The following RIPOR2 variants were observed in gnomAD, a reference collection of about 807,000 sequenced individuals.
RIPOR2 encodes the protein rho family-interacting cell polarization regulator 2.
A neutral mutation model predicts 114.5 loss-of-function variants in RIPOR2; 39 were observed. That is an observed-to-expected ratio of 0.34 (90% confidence interval 0.26 to 0.44). The LOEUF is 0.44. Among genes scored for constraint, RIPOR2 ranks in the 20% least tolerant of loss-of-function variants. The pLI, the probability that RIPOR2 is intolerant of heterozygous loss-of-function variation, is 1.00. For missense variants in RIPOR2, 1,007 were observed against 1,255.1 expected (o/e 0.80, Z 2.99); for synonymous variants, 445 against 484.4 (o/e 0.92, Z 1.07).
At chr6:24,952,274 GCTCT>G (rs757909469) in intron 1 of RIPOR2, among the ~76,000 whole-genome samples, 1 of 152,066 alleles carries the variant, frequency 6.6e-6, no homozygotes, top group African/African-American at 2.4e-5. Context: ...AATCTCTACT[GCTCT>G]CTCTCTATTA....
At chr6:25,023,200 G>GC (rs1491384783) in intron 1 of RIPOR2, 2 of 632,166 alleles carry the variant, frequency 3.2e-6, no homozygotes, top group Non-Finnish European at 6.0e-6. Context: ...GCCTGTACTT[G>GC]GGGGATCTGC....
intron 1 of RIPOR2, among the ~76,000 whole-genome samples, chr6:24,983,492 T>C (rs147053257): frequency 0.01 from 1,551 of 152,090 alleles, 21 homozygotes; most frequent in African/African-American, 0.026. Context: ...CGCGGTGGCT[T>C]ACGCCTGTAA....
intron 1 of RIPOR2, among the ~76,000 whole-genome samples, chr6:24,931,529 C>T (rs1302820019): frequency 6.6e-6 from 1 of 152,200 alleles, no homozygotes; most frequent in Non-Finnish European, 1.5e-5. Flanking sequence ...AGTTCCCCTC[C>T]TTTGTGGAGG....
At chr6:25,004,183 T>C (rs773036421) in intron 1 of RIPOR2, among the ~76,000 whole-genome samples, 7 of 152,156 alleles carry the variant, frequency 4.6e-5, no homozygotes, top group Non-Finnish European at 1.0e-4. Flanking sequence ...CTAAAATACC[T>C]AACAACCACA....
chr6:24,935,913 G>T lies in RIPOR2; in HGVS notation c.-15C>A. On this transcript the variant is annotated 5_prime_UTR_variant, in exon 1 of 22. Transcript: ENST00000643898. The stretch of plus-strand genomic sequence containing the variant: ...AAAAACTGCATCTTGGAGAGGACAG[G>T]CGCGAGAAGCAGCAGGCAGCAGCCC... The T allele has an allele frequency of 1.3e-6, 2 of 1,531,748 alleles. No homozygotes were observed. Among genetic ancestry groups the T allele is most frequent in the Non-Finnish European group, 1.7e-6 (2 of 1,143,442 alleles). The allele number at this position is 1,531,748 out of a possible 1,614,324, so 94.9% of individuals were successfully genotyped here. A position where few individuals can be genotyped will look rare whatever the true frequency, so the allele number is the denominator to read the frequency against.
intron 20 of RIPOR2, among the ~76,000 whole-genome samples, chr6:24,810,596 C>T (rs1279992123): frequency 6.6e-6 from 1 of 152,168 alleles, no homozygotes; most frequent in Non-Finnish European, 1.5e-5. Flanking sequence ...CAAGAATTTA[C>T]AGTCTAGTGG....
intron 1 of RIPOR2, chr6:24,877,182 T>C: frequency 4.1e-6 from 4 of 985,460 alleles, no homozygotes; most frequent in African/African-American, 1.7e-5. Flanking sequence ...CCAATTTCAC[T>C]AGACCTTCCT....
chr6:24,821,016 G>A (rs530451287), intron 19 of RIPOR2, among the ~76,000 whole-genome samples: 2 of 151,506 alleles, frequency 1.3e-5, no homozygotes, highest in South Asian at 2.1e-4. Context: ...GGGATTATAG[G>A]TGCCTGCCAC....
At chr6:25,005,739 A>ATATATG (rs869093518) in intron 1 of RIPOR2, among the ~76,000 whole-genome samples, 4 of 79,674 alleles carry the variant, frequency 5.0e-5, no homozygotes, top group Admixed American at 4.1e-4. Context: ...ATATATATAT[A>ATATATG]TACATTTACC....
chr6:25,009,274 C>T (rs1302065186), intron 1 of RIPOR2, among the ~76,000 whole-genome samples: 1 of 152,230 alleles, frequency 6.6e-6, no homozygotes, highest in Non-Finnish European at 1.5e-5. Flanking sequence ...TTCTTTATCC[C>T]TTGCTTCTCT....
At chr6:24,875,559 T>C (rs1371760942) in intron 2 of RIPOR2, 132 bp downstream of exon 2, 3 of 779,820 alleles carry the variant, frequency 3.8e-6, no homozygotes, top group East Asian at 5.4e-5. Context: ...ATCCTTTCCA[T>C]GAAAAAGATT....
intron 8 of RIPOR2, among the ~76,000 whole-genome samples, chr6:24,855,878 T>C (rs575193701): frequency 1.3e-5 from 2 of 152,024 alleles, no homozygotes; most frequent in South Asian, 4.2e-4. Context: ...TACGAAAAAT[T>C]TAAAAATTAG....
At chr6:24,974,961 G>A (rs987785937) in intron 1 of RIPOR2, among the ~76,000 whole-genome samples, 22 of 152,238 alleles carry the variant, frequency 1.4e-4, no homozygotes, top group African/African-American at 5.3e-4. Context: ...GAGACAGAAA[G>A]TAGACTGGTG....
intron 1 of RIPOR2, chr6:24,947,872 C>T (rs575501768): frequency 3.9e-4 from 60 of 152,242 alleles, no homozygotes; most frequent in Admixed American, 1.4e-3. Context: ...TTTAATAGCT[C>T]GTCTAGTTCA....
intron 1 of RIPOR2, among the ~76,000 whole-genome samples, chr6:24,919,751 T>C (rs1770336902): frequency 6.6e-6 from 1 of 152,206 alleles, no homozygotes; most frequent in Non-Finnish European, 1.5e-5. Context: ...GCCTCTCAGC[T>C]GTGGGGTTTG....
chr6:24,957,912 C>G (rs1033872680), intron 1 of RIPOR2, among the ~76,000 whole-genome samples: 21 of 151,924 alleles, frequency 1.4e-4, no homozygotes, highest in Non-Finnish European at 2.8e-4. Flanking sequence ...AACAATTACA[C>G]TTAAAAAATT....
At chr6:24,991,234 C>T (rs1216187147) in intron 1 of RIPOR2, among the ~76,000 whole-genome samples, 2 of 152,134 alleles carry the variant, frequency 1.3e-5, no homozygotes, top group Non-Finnish European at 1.5e-5. Flanking sequence ...AGAGAGAGGA[C>T]GTAAAAACTT....
At chr6:24,977,067 C>T (rs1774096202) in intron 1 of RIPOR2, 1 of 1,317,302 alleles carries the variant, frequency 7.6e-7, no homozygotes, top group Admixed American at 1.8e-5. Flanking sequence ...CTTGCAGTAT[C>T]CCAGTATCTT....
chr6:24,997,221 A>G (rs930195494), intron 1 of RIPOR2, among the ~76,000 whole-genome samples: 1 of 152,170 alleles, frequency 6.6e-6, no homozygotes, highest in Non-Finnish European at 1.5e-5. Context: ...TCCCCAGGTG[A>G]TTCTAATATA....
Sources: gnomAD v4.1 joint callset for allele counts (sites outside exome capture counted in the v4.1 genomes callset) on GRCh38, gnomAD v4.1.1 for gene constraint, MANE v1.5 for transcripts, NCBI Gene and HGNC (gene_info 2026-07-23, HGNC 2026-07-21) for gene names.